The following TSPAN19 variants were observed in gnomAD, a reference collection of about 807,000 sequenced individuals.
TSPAN19 encodes tetraspanin-19.
In TSPAN19, 44 loss-of-function variants were observed where a neutral mutation model predicts 35.1. The observed-to-expected ratio is 1.25, with a 90% CI of 0.98 to 1.61. The LOEUF is 1.61. Among genes scored for constraint, TSPAN19 ranks in the 40% most tolerant of loss-of-function variants. TSPAN19 has a pLI of 0.00. For synonymous variants in TSPAN19, 79 were observed against 92.0 expected (o/e 0.86, Z 0.81); for missense variants, 290 against 280.0 (o/e 1.04, Z -0.26).
chr12:85,028,762 T>G (rs1023208629), intron 3 of TSPAN19, among the ~76,000 whole-genome samples: 1 of 152,118 alleles, frequency 6.6e-6, no homozygotes, highest in Non-Finnish European at 1.5e-5. Context: ...AAATTGGCCA[T>G]TGAGGAGCTG....
intron 4 of TSPAN19, among the ~76,000 whole-genome samples, chr12:85,023,921 T>C (rs1370789854): frequency 6.6e-6 from 1 of 152,170 alleles, no homozygotes; most frequent in East Asian, 1.9e-4. Context: ...CTATTTAATT[T>C]TTTTTTAAAT....
At chr12:85,018,542 T>C (rs906670238) in intron 6 of TSPAN19, among the ~76,000 whole-genome samples, 1 of 151,942 alleles carries the variant, frequency 6.6e-6, no homozygotes, top group African/African-American at 2.4e-5. Context: ...CTGCTGTAAG[T>C]TGTAATGCAG....
At chr12:85,022,249 T>C (rs1449979859) in intron 5 of TSPAN19, among the ~76,000 whole-genome samples, 3 of 151,842 alleles carry the variant, frequency 2.0e-5, no homozygotes, top group Non-Finnish European at 1.5e-5. Flanking sequence ...ACATACATTT[T>C]AGATGTGGAG....
intron 4 of TSPAN19, among the ~76,000 whole-genome samples, chr12:85,025,017 A>G (rs1374918525): frequency 6.6e-6 from 1 of 152,134 alleles, no homozygotes; most frequent in African/African-American, 2.4e-5. Context: ...AAAAAAATTC[A>G]GAGACAAAAA....
intron 7 of TSPAN19, chr12:85,016,990 A>C (rs1876845913): frequency 6.5e-6 from 1 of 154,602 alleles, no homozygotes; most frequent in Admixed American, 6.6e-5. Context: ...CCACACCTGT[A>C]AATCGCAGTT....
chr12:85,030,037 T>C, intron 1 of TSPAN19, 64 bp from the exon 2 acceptor site: 2 of 1,203,032 alleles, frequency 1.7e-6, no homozygotes, highest in Non-Finnish European at 2.2e-6. Context: ...TCTCCCTACT[T>C]ATGTTCTTTA....
rs572230427 is a variant in TSPAN19 at position 85,022,642 on chromosome 12, CAT to C, written c.339+682_339+683del. Among the ~76,000 whole-genome samples the C allele has an allele frequency of 4.9e-4, 75 of 152,168 alleles. 2 individuals carry two copies. The South Asian group carries it at 0.012, about 25-fold the overall frequency. ...CAAGTTGGTGATCCCTAACCATATTCATATCTGTATGACTTCAAGTACATGTT... is the reference window on the plus strand; with the variant it reads ...CAAGTTGGTGATCCCTAACCATATTCATCTGTATGACTTCAAGTACATGTT... On this transcript the variant is annotated intron_variant, in intron 5 of 8. Coordinates refer to ENST00000532498, the MANE Select transcript of TSPAN19 (RefSeq NM_001100917.2).
At chr12:85,029,857 C>T (rs1182540385) in intron 2 of TSPAN19, 24 bp downstream of exon 2, 11 of 1,509,710 alleles carry the variant, frequency 7.3e-6, no homozygotes, top group Non-Finnish European at 8.9e-6. Flanking sequence ...ATTTTCTTTA[C>T]TGTATAATTA....
rs1876773155 is a variant in TSPAN19 at position 85,015,997 on chromosome 12, G to A, written c.595-26C>T. On this transcript the variant is annotated intron_variant, in intron 7 of 8. Transcript: ENST00000532498. ...CTAAGAAAAAGAAGTTATTCAGATG[G>A]ACATGGAGATGGAAATGATCTTATA... is the stretch of plus-strand genomic sequence containing the variant. The A allele has an allele frequency of 2.2e-6, 3 of 1,343,430 alleles. No individual in the cohort carries two copies. The Admixed American group carries it at 7.2e-5, about 32-fold the overall frequency. The allele number at this position is 1,343,430 out of a possible 1,614,324, so 83.2% of individuals were successfully genotyped here. A position where few individuals can be genotyped will look rare whatever the true frequency, so the allele number is the denominator to read the frequency against.
intron 1 of TSPAN19, among the ~76,000 whole-genome samples, chr12:85,033,491 T>C (rs781782073): frequency 8.6e-5 from 13 of 152,010 alleles, no homozygotes; most frequent in Non-Finnish European, 1.6e-4. Flanking sequence ...AGAGATGTAG[T>C]AGGAAGTAGA....
rs1877471131 is a variant in TSPAN19 at position 85,027,481 on chromosome 12, T to C, written c.264+418A>G. On this transcript the variant is annotated intron_variant, in intron 4 of 8. Transcript: ENST00000532498. ...AAAATACATACATACATAAGTTACC[T>C]TTCCGCGTGCCATGCCCACAGAGAG... Among the ~76,000 whole-genome samples, 11 of 152,300 alleles carry C rather than the reference T, an allele frequency of 7.2e-5. No homozygotes were observed. The South Asian group carries it at 2.3e-3, about 32-fold the overall frequency.
At chr12:85,035,767 C>T (rs140701426) in intron 1 of TSPAN19, among the ~76,000 whole-genome samples, 1 of 152,094 alleles carries the variant, frequency 6.6e-6, no homozygotes, top group Non-Finnish European at 1.5e-5. Flanking sequence ...AATAGCATGA[C>T]ATAAACTTAG....
rs1444093490 is a variant in TSPAN19, at chr12:85,029,911, G to A, written c.36C>T (p.Tyr12=). 3 of 1,462,934 alleles carry A rather than the reference G, an allele frequency of 2.1e-6. No homozygotes were observed. Among genetic ancestry groups the A allele is most frequent in the Non-Finnish European group, 2.8e-6 (3 of 1,081,110 alleles). The allele number at this position is 1,462,934 out of a possible 1,614,324, so 90.6% of individuals were successfully genotyped here. ...AAGCTCCATTAATGAGATTAAGAAAGTACTTAATAATTATTGTTTTGTTAT... is the reference window on the plus strand; with the variant it reads ...AAGCTCCATTAATGAGATTAAGAAAATACTTAATAATTATTGTTTTGTTAT... ...LRNNKTIIIK[Y]FLNLINGAFL... The change falls in exon 2 of 9, where the codon TAC becomes TAT. Residue 12 remains tyrosine, a synonymous_variant. Coordinates refer to ENST00000532498, the MANE Select transcript of TSPAN19 (RefSeq NM_001100917.2).
intron 8 of TSPAN19, chr12:85,015,557 C>T (rs1446107670): frequency 5.3e-4 from 90 of 168,310 alleles, no homozygotes; most frequent in African/African-American, 1.7e-3. Context: ...CACACACACA[C>T]ACACACACAC....
Position 85,017,377 on chromosome 12 carries a change from G to A in TSPAN19, c.594+79C>T, listed in dbSNP as rs916552665. On this transcript the variant is annotated intron_variant, in intron 7 of 8. Coordinates refer to ENST00000532498, the MANE Select transcript of TSPAN19 (RefSeq NM_001100917.2). ...CAACATTATTTTTATATAAAAATTTGCTCAGAATTCTAAATTGACTTGCAA... is the reference window on the plus strand; with the variant it reads ...CAACATTATTTTTATATAAAAATTTACTCAGAATTCTAAATTGACTTGCAA... The A allele has an allele frequency of 2.9e-5, 37 of 1,290,550 alleles. No homozygotes were observed. The East Asian group carries it at 3.0e-4, about 11-fold the overall frequency. The allele number at this position is 1,290,550 out of a possible 1,614,324, so 79.9% of individuals were successfully genotyped here.
chr12:85,025,156 G>A (rs1346689388), intron 4 of TSPAN19, among the ~76,000 whole-genome samples: 1 of 147,636 alleles, frequency 6.8e-6, no homozygotes, highest in Non-Finnish European at 1.5e-5. Flanking sequence ...TTTTTTTTGA[G>A]ATGGAGTCTC....
intron 7 of TSPAN19, chr12:85,017,236 C>A (rs950922837): frequency 8.6e-6 from 4 of 466,288 alleles, no homozygotes; most frequent in East Asian, 4.1e-5. Context: ...ATACATAAAT[C>A]ATATACTCCC....
chr12:85,018,858 G>A (rs1365068902), intron 6 of TSPAN19, among the ~76,000 whole-genome samples: 1 of 151,760 alleles, frequency 6.6e-6, no homozygotes. Flanking sequence ...ATAGGGTTGG[G>A]AGGACTGAAT....
intron 3 of TSPAN19, among the ~76,000 whole-genome samples, chr12:85,028,701 G>A (rs1772096116): frequency 6.6e-6 from 1 of 152,158 alleles, no homozygotes; most frequent in African/African-American, 2.4e-5. Flanking sequence ...AAAGCCAATT[G>A]TGATATTTTC....
Sources: allele counts gnomAD v4.1 joint callset (sites outside exome capture counted in the v4.1 genomes callset), GRCh38; gene constraint gnomAD v4.1.1; transcripts MANE v1.5; gene names NCBI Gene and HGNC (gene_info 2026-07-23, HGNC 2026-07-21).